VWA3B: variants seen among roughly 807,000 people sequenced by gnomAD.
VWA3B encodes the protein von Willebrand factor A domain containing 3B.
A neutral mutation model predicts 158.3 loss-of-function variants in VWA3B; 138 were observed. The observed-to-expected ratio is 0.87, with a 90% confidence interval of 0.76 to 1.00. The LOEUF is 1.00. Ranked by LOEUF, VWA3B falls within the 50% of genes least tolerant of loss-of-function variation. The pLI is 0.00. For missense variants in VWA3B, 1,555 were observed against 1,565.1 expected, an observed-to-expected ratio of 0.99 and a Z score of 0.11; for synonymous variants, 596 against 587.3, an observed-to-expected ratio of 1.01 and a Z score of -0.21.
At chr2:98,255,180 ATATTTTTTTTTTTTT>A (rs1687045198) in intron 20 of VWA3B, among the ~76,000 whole-genome samples, 1 of 65,904 alleles carries the variant, frequency 1.5e-5, no homozygotes, top group African/African-American at 6.6e-5. Flanking sequence ...CGCCCGGCTG[ATATTTTTTTTTTTTT>A]TTTTTTTTTT....
At chr2:98,147,482 C>T (rs1677259635) in intron 7 of VWA3B, among the ~76,000 whole-genome samples, 1 of 152,126 alleles carries the variant, frequency 6.6e-6, no homozygotes, top group Admixed American at 6.5e-5. Context: ...TATTATTGTA[C>T]AAATTGAATA....
chr2:98,251,376 G>A (rs1686791687), intron 20 of VWA3B, among the ~76,000 whole-genome samples: 1 of 152,080 alleles, frequency 6.6e-6, no homozygotes, highest in East Asian at 1.9e-4. Flanking sequence ...AACGGCTTTT[G>A]TTAATTTTAA....
At chr2:98,306,233 A>G (rs1690518445) in intron 26 of VWA3B, among the ~76,000 whole-genome samples, 1 of 151,858 alleles carries the variant, frequency 6.6e-6, no homozygotes. Context: ...GGCAACCCGT[A>G]GAGGTTTCTG....
chr2:98,217,949 A>C lies in VWA3B; in HGVS notation c.1940A>C (p.Glu647Ala), dbSNP rs1168970079. The change falls in exon 14 of 28, where the codon GAG becomes GCG. Residue 647 changes from glutamate to alanine, a missense_variant. Glu to Ala is a moderately radical substitution (Grantham distance 107). Transcript: ENST00000477737. ...NDEIANRFLK[E>A]VAALTGGEFH... is the part of the protein sequence containing the mutation. ...GAGATTGCAAACAGGTTTTTGAAAG[A>C]GGTTGCTGCTTTGACTGGAGGAGAG... is the stretch of plus-strand genomic sequence containing the variant. 1 of 1,613,658 alleles carries C rather than the reference A, an allele frequency of 6.2e-7. No individual in the cohort carries two copies. Among genetic ancestry groups the C allele is most frequent in the South Asian group, 1.1e-5 (1 of 91,038 alleles).
intron 7 of VWA3B, among the ~76,000 whole-genome samples, chr2:98,150,294 G>C (rs1251680536): frequency 6.6e-6 from 1 of 152,180 alleles, no homozygotes; most frequent in African/African-American, 2.4e-5. Flanking sequence ...GTTTTTCCAG[G>C]ACTGCTCTTT....
intron 22 of VWA3B, among the ~76,000 whole-genome samples, chr2:98,271,454 T>G (rs1309518807): frequency 4.6e-5 from 7 of 152,024 alleles, no homozygotes; most frequent in Non-Finnish European, 1.0e-4. Context: ...TTCCTTTTAG[T>G]TTTTTTTCTC....
intron 6 of VWA3B, among the ~76,000 whole-genome samples, chr2:98,131,201 C>T (rs541891698): frequency 6.6e-6 from 1 of 152,266 alleles, no homozygotes; most frequent in African/African-American, 2.4e-5. Flanking sequence ...TGAGAACATG[C>T]GATATTTGGC....
At chr2:98,225,549 C>A (rs1260196679) in intron 14 of VWA3B, among the ~76,000 whole-genome samples, 1 of 152,136 alleles carries the variant, frequency 6.6e-6, no homozygotes, top group East Asian at 1.9e-4. Context: ...TCAAAGACAT[C>A]TATTCTCACC....
intron 19 of VWA3B, 106 bp downstream of exon 19, chr2:98,236,836 C>T: frequency 7.0e-7 from 1 of 1,436,472 alleles, no homozygotes; most frequent in Non-Finnish European, 9.3e-7. Context: ...GTATTTTAGC[C>T]ACTGGGGGAA....
At chr2:98,274,887 G>A (rs1479380374) in intron 22 of VWA3B, among the ~76,000 whole-genome samples, 4 of 152,182 alleles carry the variant, frequency 2.6e-5, no homozygotes, top group Non-Finnish European at 5.9e-5. Context: ...TAGGCCATGT[G>A]GGGCAAAGTT....
At chr2:98,175,168 A>G (rs1313688078) in intron 8 of VWA3B, among the ~76,000 whole-genome samples, 1 of 152,212 alleles carries the variant, frequency 6.6e-6, no homozygotes, top group Non-Finnish European at 1.5e-5. Flanking sequence ...AAAGCAATCC[A>G]TAGGAACTGT....
At chr2:98,164,012 T>A (rs1161239019) in intron 8 of VWA3B, among the ~76,000 whole-genome samples, 2 of 152,170 alleles carry the variant, frequency 1.3e-5, no homozygotes, top group Non-Finnish European at 2.9e-5. Context: ...TTGCCGGTGC[T>A]CTTCCAGGGA....
chr2:98,184,203 C>T (rs1189757081), intron 9 of VWA3B, among the ~76,000 whole-genome samples: 2 of 152,204 alleles, frequency 1.3e-5, no homozygotes, highest in Non-Finnish European at 2.9e-5. Context: ...TGGTGGTTTT[C>T]CATTTGGCTG....
intron 12 of VWA3B, among the ~76,000 whole-genome samples, chr2:98,196,621 G>A (rs1682069078): frequency 6.6e-6 from 1 of 152,098 alleles, no homozygotes; most frequent in Non-Finnish European, 1.5e-5. Flanking sequence ...GGAGATGGAG[G>A]GAGCAGGTGC....
intron 26 of VWA3B, among the ~76,000 whole-genome samples, chr2:98,304,709 G>T (rs1330360820): frequency 6.6e-6 from 1 of 151,976 alleles, no homozygotes; most frequent in Non-Finnish European, 1.5e-5. Flanking sequence ...ACTGCCTCGG[G>T]TCCTGGATCC....
At chr2:98,145,369 G>A (rs1225022227) in intron 7 of VWA3B, among the ~76,000 whole-genome samples, 1 of 152,140 alleles carries the variant, frequency 6.6e-6, no homozygotes, top group Non-Finnish European at 1.5e-5. Context: ...CATGGAGTAG[G>A]TACTATTATT....
At chr2:98,268,479 A>T (rs1021218230) in intron 21 of VWA3B, among the ~76,000 whole-genome samples, 1 of 152,058 alleles carries the variant, frequency 6.6e-6, no homozygotes, top group African/African-American at 2.4e-5. Flanking sequence ...GAATTTTTCA[A>T]TTCACTTATT....
At chr2:98,299,978 C>A in intron 24 of VWA3B, 101 bp from the exon 25 acceptor site, 1 of 1,417,058 alleles carries the variant, frequency 7.1e-7, no homozygotes, top group Non-Finnish European at 9.8e-7. Context: ...ATTTTAGCAT[C>A]AGTACTTGCC....
rs1685413563 is a variant in VWA3B, at chr2:98,232,594, G to T, written c.2309-2054G>T. On this transcript the variant is annotated intron_variant, in intron 16 of 27. Coordinates refer to ENST00000477737, the MANE Select transcript of VWA3B (RefSeq NM_144992.5). ...GTTACTGATATGATGGGTGATTTTT[G>T]ATAGTATCTTGGACATTTTGTCTAT... Among the ~76,000 whole-genome samples the T allele has an allele frequency of 2.6e-5, 4 of 152,170 alleles. No individual in the cohort carries two copies. The South Asian group carries it at 8.3e-4, about 32-fold the overall frequency.
Sources: gnomAD v4.1 joint callset for allele counts (sites outside exome capture counted in the v4.1 genomes callset) on GRCh38, gnomAD v4.1.1 for gene constraint, MANE v1.5 for transcripts, NCBI Gene and HGNC (gene_info 2026-07-23, HGNC 2026-07-21) for gene names.